Variants in EIF1B observed in about 807,000 individuals in gnomAD.
EIF1B encodes eukaryotic translation initiation factor 1B.
Under a neutral mutation model 14.8 loss-of-function variants are expected in EIF1B, and 5 were observed. The observed-to-expected ratio is 0.34, with a 90% CI of 0.18 to 0.71. EIF1B has a LOEUF of 0.71. Ranked by LOEUF, EIF1B falls within the 30% of genes least tolerant of loss-of-function variation. EIF1B has a pLI of 0.64. For synonymous variants in EIF1B, 45 were observed against 45.8 expected, an observed-to-expected ratio of 0.98 and a Z score of 0.07; for missense variants, 56 against 134.0, an observed-to-expected ratio of 0.42 and a Z score of 2.87.
Position 40,310,904 on chromosome 3 carries a change from G to A in EIF1B, c.43G>A (p.Asp15Asn). 6.3e-7 allele frequency: 1 copy of A among 1,583,582 alleles called. No individual in the cohort carries two copies. ...TTATCCATTCGCAGACCCCTTTGCT[G>A]ATGCAACTAAGGGTGACGACTTACT... Reference protein sequence around the residue: ...QNLQSFDPFADATKGDDLLPA... With the variant: ...QNLQSFDPFANATKGDDLLPA... The change falls in exon 2 of 4, where the codon GAT becomes AAT. Residue 15 changes from aspartate (D) to asparagine (N), a missense_variant. Coordinates refer to ENST00000232905, the MANE Select transcript of EIF1B (RefSeq NM_005875.3).
rs769864733 is a variant in EIF1B at position 40,311,585 on chromosome 3, T to C, written c.297+14T>C. 1.3e-6 allele frequency: 2 copies of C among 1,585,436 alleles called. No individual in the cohort carries two copies. The highest frequency in any genetic ancestry group is 2.2e-5 in the South Asian group (2 of 90,016). On this transcript the variant is annotated intron_variant, in intron 3 of 3. Coordinates refer to ENST00000232905, the MANE Select transcript of EIF1B (RefSeq NM_005875.3). ...TTTCTCTTGGAGGTGAGTGATTGGGTGCTTTATGTGTAACCTTGAGATTGC... is the reference window on the plus strand; with the variant it reads ...TTTCTCTTGGAGGTGAGTGATTGGGCGCTTTATGTGTAACCTTGAGATTGC...
Position 40,312,140 on chromosome 3 carries a change from T to C in EIF1B, c.*126T>C, listed in dbSNP as rs577760855. ...TTTATTTAATCATTCAAACTTCCAT[T>C]CACATCTGCATGATTACAGAAAACA... On this transcript the variant is annotated 3_prime_UTR_variant, in exon 4 of 4. Transcript: ENST00000232905. 1 of 722,474 alleles carries C rather than the reference T, an allele frequency of 1.4e-6. No individual in the cohort carries two copies. Among genetic ancestry groups the C allele is most frequent in the African/African-American group, 1.8e-5 (1 of 56,788 alleles). The allele number at this position is 722,474 out of a possible 1,614,324, so 44.8% of individuals were successfully genotyped here.
rs1030838154 is a variant in EIF1B, at chr3:40,309,760, C to T, written c.-182C>T. ...GCGCCCTCGCCTCTTCCTCCGCCTC[C>T]TCCTTCGCCTCTTCCTGCCTCCTCC... On this transcript the variant is annotated 5_prime_UTR_variant, in exon 1 of 4. Transcript: ENST00000232905. 2.9e-5 allele frequency: 19 copies of T among 653,030 alleles called. No homozygotes were observed. The highest frequency in any genetic ancestry group is 3.9e-5 in the Non-Finnish European group (15 of 380,488). 40.5% of individuals were successfully genotyped at this position (653,030 alleles called of 1,614,324 possible).
At chr3:40,310,200 A>G (rs1388961926) in intron 1 of EIF1B, among the ~76,000 whole-genome samples, 2 of 151,380 alleles carry the variant, frequency 1.3e-5, no homozygotes, top group East Asian at 3.9e-4. Flanking sequence ...GCCCTGCGCC[A>G]CCCCCTGCCC....
At position 40,309,715 on chromosome 3, in the gene EIF1B, G is replaced by C; in HGVS notation, c.-227G>C. 2 of 560,894 alleles carry C rather than the reference G, an allele frequency of 3.6e-6. No homozygotes were observed. The highest frequency in any genetic ancestry group is 6.3e-6 in the Non-Finnish European group (2 of 316,856). The allele number at this position is 560,894 out of a possible 1,614,324, so 34.7% of individuals were successfully genotyped here. On this transcript the variant is annotated 5_prime_UTR_variant, in exon 1 of 4. Transcript: ENST00000232905. Reference sequence around the variant, plus strand: ...CATCGGCCATTTTGTGCGAGAAGCCGCAGCGCCGCCTCTTCTCTCGCGCCC... The same window carrying C: ...CATCGGCCATTTTGTGCGAGAAGCCCCAGCGCCGCCTCTTCTCTCGCGCCC...
At chr3:40,310,724 T>G in intron 1 of EIF1B, 169 bp from the exon 2 acceptor site, 1 of 579,474 alleles carries the variant, frequency 1.7e-6, no homozygotes. Flanking sequence ...ATCTTGGGGG[T>G]TTTATTAATA....
chr3:40,311,355 A>G (rs1954323994), intron 2 of EIF1B, 115 bp from the exon 3 acceptor site: 1 of 731,294 alleles, frequency 1.4e-6, no homozygotes, highest in Non-Finnish European at 2.2e-6. Flanking sequence ...AGGAGACAAA[A>G]TCTGTTTCTC....
intron 1 of EIF1B, among the ~76,000 whole-genome samples, chr3:40,310,217 T>A (rs1199366009): frequency 2.0e-5 from 3 of 152,242 alleles, no homozygotes. Context: ...GCCCCGTCCT[T>A]GACCCGGCTC....
At chr3:40,311,104 G>T in intron 2 of EIF1B, 48 bp downstream of exon 2, 1 of 1,558,978 alleles carries the variant, frequency 6.4e-7, no homozygotes, top group South Asian at 1.2e-5. Context: ...GCACACCTCT[G>T]AACTGGATTA....
chr3:40,311,981 A>G lies in EIF1B; in HGVS notation c.309A>G (p.Val103=). 1 of 1,606,854 alleles carries G rather than the reference A, an allele frequency of 6.2e-7. No individual in the cohort carries two copies. The highest frequency in any genetic ancestry group is 8.5e-7 in the Non-Finnish European group (1 of 1,174,012). Residue 103 remains valine, a synonymous_variant, in exon 4 of 4, where the codon GTA becomes GTG. Coordinates refer to ENST00000232905, the MANE Select transcript of EIF1B (RefSeq NM_005875.3). ...ICQFLLEVGI[V]KEEQLKVHGF The stretch of plus-strand genomic sequence containing the variant: ...ATTTTATTTTACAGGTTGGCATTGT[A>G]AAGGAGGAACAGCTTAAGGTTCATG...
At position 40,312,049 on chromosome 3, in the gene EIF1B, GT is replaced by G. The variant is rs1954332092; in HGVS notation, c.*39del. The G allele has an allele frequency of 1.9e-6, 3 of 1,546,632 alleles. No homozygotes were observed. The East Asian group carries it at 6.7e-5, about 35-fold the overall frequency. ...AAATACGTGGAGAATTTCTTGAATAGTTTTGTTCTCTAAACCCGGTTTGGCT... is the reference window on the plus strand; with the variant it reads ...AAATACGTGGAGAATTTCTTGAATAGTTTGTTCTCTAAACCCGGTTTGGCT... On this transcript the variant is annotated 3_prime_UTR_variant, in exon 4 of 4. Coordinates refer to ENST00000232905, the MANE Select transcript of EIF1B (RefSeq NM_005875.3).
In EIF1B at chr3:40,309,835, GT is replaced by G; in HGVS notation, c.-103del. The G allele has an allele frequency of 7.2e-7, 1 of 1,387,424 alleles. No homozygotes were observed. The highest frequency in any genetic ancestry group is 2.3e-5 in the East Asian group (1 of 43,362). 85.9% of individuals were successfully genotyped at this position (1,387,424 alleles called of 1,614,324 possible). A position where few individuals can be genotyped will look rare whatever the true frequency, so the allele number is the denominator to read the frequency against. On this transcript the variant is annotated 5_prime_UTR_variant, in exon 1 of 4. Transcript: ENST00000232905. ...CCTAATCCCAACCCCAGGGCGAAGCGTTTTCTTATTTATTTCCGTTTTCTCG... is the reference window on the plus strand; with the variant it reads ...CCTAATCCCAACCCCAGGGCGAAGCGTTTCTTATTTATTTCCGTTTTCTCG...
intron 1 of EIF1B, 35 bp downstream of exon 1, chr3:40,310,007 C>T (rs764100274): frequency 1.2e-6 from 2 of 1,612,764 alleles, no homozygotes; most frequent in South Asian, 1.1e-5. Context: ...CCTCCCTTGC[C>T]CGGCGCGCAT....
In EIF1B at chr3:40,311,249, T is replaced by G. The variant is rs535286740; in HGVS notation, c.195+193T>G. Reference sequence around the variant, plus strand: ...CATTTTAAAAGAAGATTCGCGTTGCTTTTAAATAAATTTAAATGTGAAATA... The same window carrying G: ...CATTTTAAAAGAAGATTCGCGTTGCGTTTAAATAAATTTAAATGTGAAATA... On this transcript the variant is annotated intron_variant, in intron 2 of 3. Transcript: ENST00000232905. The G allele has an allele frequency of 8.9e-5, 55 of 620,162 alleles. 2 individuals are homozygous for G. In the South Asian group the frequency reaches 1.5e-3, roughly 17 times the overall value. 38.4% of individuals were successfully genotyped at this position (620,162 alleles called of 1,614,324 possible).
At chr3:40,310,049 TAGGG>T in intron 1 of EIF1B, 77 bp downstream of exon 1, 1 of 1,583,084 alleles carries the variant, frequency 6.3e-7, no homozygotes, top group Non-Finnish European at 8.6e-7. Flanking sequence ...CCACCGCCCC[TAGGG>T]GCCCCCTTTC....
chr3:40,310,889 G>A lies in EIF1B; in HGVS notation c.32-4G>A, dbSNP rs1171593052. On this transcript the variant is annotated splice_region_variant and splice_polypyrimidine_tract_variant and intron_variant, in intron 1 of 3. Transcript: ENST00000232905. ...ATTTTTTTTTTTTTTTTATCCATTC[G>A]CAGACCCCTTTGCTGATGCAACTAA... 6.6e-7 allele frequency: 1 copy of A among 1,518,258 alleles called. No homozygotes were observed. The highest frequency in any genetic ancestry group is 8.8e-7 in the Non-Finnish European group (1 of 1,133,780). The allele number at this position is 1,518,258 out of a possible 1,614,324, so 94.0% of individuals were successfully genotyped here.
At chr3:40,311,395 A>T in intron 2 of EIF1B, 75 bp from the exon 3 acceptor site, 2 of 1,077,318 alleles carry the variant, frequency 1.9e-6, no homozygotes, top group Non-Finnish European at 2.8e-6. Context: ...TGAAATGGCT[A>T]ATTCTGTTCA....
chr3:40,311,170 C>A, intron 2 of EIF1B, 114 bp downstream of exon 2: 2 of 1,020,666 alleles, frequency 2.0e-6, no homozygotes, highest in Non-Finnish European at 1.4e-6. Context: ...GAAAGTTGTT[C>A]TCATTTTTGT....
chr3:40,311,667 ACG>A (rs1954328020), intron 3 of EIF1B, 96 bp downstream of exon 3: 1 of 1,005,338 alleles, frequency 9.9e-7, no homozygotes, highest in African/African-American at 1.6e-5. Context: ...AAAAAATCAT[ACG>A]AATGAAGGAA....
Sources: allele counts gnomAD v4.1 joint callset (sites outside exome capture counted in the v4.1 genomes callset), GRCh38; gene constraint gnomAD v4.1.1; transcripts MANE v1.5; gene names NCBI Gene and HGNC (gene_info 2026-07-23, HGNC 2026-07-21).